THRB: variants seen among roughly 807,000 people sequenced by gnomAD.
THRB encodes nuclear receptor subfamily 1 group A member 2.
Under a neutral mutation model 47.8 loss-of-function variants are expected in THRB, and 12 were observed. That is an observed-to-expected ratio of 0.25 (90% CI 0.16 to 0.41). The LOEUF (loss-of-function observed/expected upper bound fraction) is 0.41. Ranked by LOEUF, THRB falls within the 10% of genes least tolerant of loss-of-function variation. THRB has a pLI of 1.00. For synonymous variants in THRB, 218 were observed against 212.2 expected (o/e 1.03, Z -0.24); for missense variants, 348 against 589.2 (o/e 0.59, Z 4.24).
chr3:24,346,979 A>C (rs1442943000), intron 1 of THRB, among the ~76,000 whole-genome samples: 3 of 152,122 alleles, frequency 2.0e-5, no homozygotes, highest in Non-Finnish European at 2.9e-5. Context: ...TTGAACATTT[A>C]CCAAAATTTA....
intron 1 of THRB, among the ~76,000 whole-genome samples, chr3:24,491,864 A>G (rs959569963): frequency 1.3e-5 from 2 of 152,274 alleles, no homozygotes; most frequent in African/African-American, 4.8e-5. Context: ...GATCAAGGTA[A>G]CATGTCAGAA....
chr3:24,353,163 C>CA (rs952275434), intron 1 of THRB, among the ~76,000 whole-genome samples: 27 of 145,904 alleles, frequency 1.9e-4, no homozygotes, highest in East Asian at 1.6e-3. Context: ...AACCAACTTA[C>CA]AAAAAAAAAA....
At chr3:24,458,298 T>G (rs1055558020) in intron 1 of THRB, 12 of 152,286 alleles carry the variant, frequency 7.9e-5, no homozygotes, top group Middle Eastern at 3.4e-3. Context: ...CTGAAGACCC[T>G]GTTGTACTGG....
chr3:24,326,574 T>C (rs1467281750), intron 2 of THRB, among the ~76,000 whole-genome samples: 2 of 152,070 alleles, frequency 1.3e-5, no homozygotes, highest in Non-Finnish European at 2.9e-5. Flanking sequence ...GTACTTTTTA[T>C]ACCTCCCACT....
intron 5 of THRB, among the ~76,000 whole-genome samples, chr3:24,160,818 A>AGGT (rs1456360685): frequency 1.3e-5 from 2 of 152,168 alleles, no homozygotes; most frequent in African/African-American, 4.8e-5. Context: ...GAGGCATGTG[A>AGGT]GGTGGTGGAT....
At chr3:24,399,441 A>G (rs1306885488) in intron 1 of THRB, among the ~76,000 whole-genome samples, 4 of 152,058 alleles carry the variant, frequency 2.6e-5, no homozygotes. Flanking sequence ...CCAGAGCAAA[A>G]TGAAAATTCA....
At chr3:24,478,992 G>A (rs1436509700) in intron 1 of THRB, among the ~76,000 whole-genome samples, 1 of 152,178 alleles carries the variant, frequency 6.6e-6, no homozygotes, top group Non-Finnish European at 1.5e-5. Flanking sequence ...AGAAGCCAGA[G>A]ATGCTGCTAA....
At chr3:24,353,164 A>G (rs2063463342) in intron 1 of THRB, among the ~76,000 whole-genome samples, 1 of 148,792 alleles carries the variant, frequency 6.7e-6, no homozygotes, top group Non-Finnish European at 1.5e-5. Context: ...ACCAACTTAC[A>G]AAAAAAAAAC....
chr3:24,139,539 C>T (rs2035167396), intron 8 of THRB, among the ~76,000 whole-genome samples: 1 of 152,064 alleles, frequency 6.6e-6, no homozygotes, highest in Admixed American at 6.6e-5. Context: ...TGAGTATCAC[C>T]AAGCCTGGCT....
intron 1 of THRB, among the ~76,000 whole-genome samples, chr3:24,368,954 T>C (rs190186091): frequency 1.3e-5 from 2 of 152,326 alleles, no homozygotes; most frequent in Admixed American, 1.3e-4. Context: ...TAAACAGTGA[T>C]CATATATTAC....
chr3:24,417,731 T>C (rs2068881069), intron 1 of THRB, among the ~76,000 whole-genome samples: 1 of 151,920 alleles, frequency 6.6e-6, no homozygotes, highest in African/African-American at 2.4e-5. Context: ...CTTTGACTTC[T>C]CTCCCACAAA....
chr3:24,434,261 A>G (rs9854304), intron 1 of THRB, among the ~76,000 whole-genome samples: 100,101 of 152,066 alleles, frequency 0.66, 33,225 homozygotes, highest in Admixed American at 0.68. Context: ...TTAAGGGTCC[A>G]TATAGATTTG....
intron 1 of THRB, among the ~76,000 whole-genome samples, chr3:24,361,097 T>G (rs754897259): frequency 3.9e-5 from 6 of 152,192 alleles, no homozygotes; most frequent in African/African-American, 4.8e-5. Context: ...TTATAATAAC[T>G]GTTGACAACA....
chr3:24,231,680 C>G (rs2048278467), intron 3 of THRB, among the ~76,000 whole-genome samples: 1 of 152,070 alleles, frequency 6.6e-6, no homozygotes, highest in African/African-American at 2.4e-5. Context: ...AAGCTTCTAA[C>G]AATCCCCCAG....
intron 1 of THRB, among the ~76,000 whole-genome samples, chr3:24,420,643 CAAT>C (rs1488122969): frequency 6.6e-6 from 1 of 151,916 alleles, no homozygotes; most frequent in Non-Finnish European, 1.5e-5. Flanking sequence ...AACGAAACCA[CAAT>C]GAGACACCAT....
intron 3 of THRB, among the ~76,000 whole-genome samples, chr3:24,282,800 C>T (rs371575333): frequency 6.7e-6 from 1 of 149,046 alleles, no homozygotes; most frequent in Non-Finnish European, 1.5e-5. Flanking sequence ...GAGAATACTA[C>T]AAACACCTCT....
At chr3:24,245,301 A>T (rs1213651008) in intron 3 of THRB, among the ~76,000 whole-genome samples, 1 of 152,144 alleles carries the variant, frequency 6.6e-6, no homozygotes, top group Non-Finnish European at 1.5e-5. Flanking sequence ...AATGCTTTTA[A>T]CTGCTAAGCC....
In THRB at chr3:24,219,704, T is replaced by C. The variant is rs151022222; in HGVS notation, c.22+9234A>G. Among the ~76,000 whole-genome samples the C allele has an allele frequency of 4.5e-4, 69 of 152,346 alleles. No individual in the cohort carries two copies. In the Middle Eastern group the frequency reaches 0.014, roughly 30 times the overall value. On this transcript the variant is annotated intron_variant, in intron 4 of 10. Coordinates refer to ENST00000646209, the MANE Select transcript of THRB (RefSeq NM_001354712.2). ...CTCAGATGGCCAAACTAACATTTTCTGTGGAAAAAACAAAACCCTCTACAT... is the reference window on the plus strand; with the variant it reads ...CTCAGATGGCCAAACTAACATTTTCCGTGGAAAAAACAAAACCCTCTACAT...
chr3:24,493,779 C>T (rs1189787084), intron 1 of THRB, among the ~76,000 whole-genome samples: 1 of 152,162 alleles, frequency 6.6e-6, no homozygotes, highest in East Asian at 1.9e-4. Context: ...TTTTCTCCCT[C>T]CCCCTCCTTA....
Sources: gnomAD v4.1 joint callset for allele counts (sites outside exome capture counted in the v4.1 genomes callset) on GRCh38, gnomAD v4.1.1 for gene constraint, MANE v1.5 for transcripts, NCBI Gene and HGNC (gene_info 2026-07-23, HGNC 2026-07-21) for gene names.